Variants in PRLR observed in about 807,000 individuals in gnomAD.
The protein encoded by PRLR is prolactin receptor, also known as hPRL receptor.
A neutral mutation model predicts 40.2 loss-of-function variants in PRLR; 13 were observed. The ratio of observed to expected loss-of-function variants is 0.32; its 90% confidence interval spans 0.21 to 0.51. The LOEUF is 0.51. PRLR is among the 20% of genes least tolerant of loss of function. The probability of loss-of-function intolerance (pLI) is 0.97; values close to 1 mark genes in which losing one functional copy is unlikely to be tolerated. For missense variants in PRLR, 656 were observed against 747.3 expected (o/e 0.88, Z 1.42); for synonymous variants, 269 against 278.7 (o/e 0.97, Z 0.35).
At chr5:35,185,776 G>A (rs1341084180) in intron 1 of PRLR, among the ~76,000 whole-genome samples, 2 of 152,222 alleles carry the variant, frequency 1.3e-5, no homozygotes, top group Non-Finnish European at 2.9e-5. Flanking sequence ...TTGACTAGGT[G>A]TCTTTGTCTG....
intron 5 of PRLR, among the ~76,000 whole-genome samples, chr5:35,078,872 G>C (rs1342010246): frequency 6.6e-6 from 1 of 152,176 alleles, no homozygotes; most frequent in Non-Finnish European, 1.5e-5. Flanking sequence ...GATCAAGTAG[G>C]CTTCATCCCT....
At chr5:35,078,216 G>A (rs1770245132) in intron 5 of PRLR, among the ~76,000 whole-genome samples, 1 of 152,078 alleles carries the variant, frequency 6.6e-6, no homozygotes, top group Admixed American at 6.5e-5. Flanking sequence ...GAGAAGAACT[G>A]AAGGTGATAG....
At chr5:35,219,202 A>C (rs1236044428) in intron 1 of PRLR, among the ~76,000 whole-genome samples, 1 of 152,208 alleles carries the variant, frequency 6.6e-6, no homozygotes, top group Non-Finnish European at 1.5e-5. Flanking sequence ...GGGTTTTTGC[A>C]GGAGAAACAA....
chr5:35,174,905 T>C (rs1775101483), intron 1 of PRLR, among the ~76,000 whole-genome samples: 1 of 152,110 alleles, frequency 6.6e-6, no homozygotes, highest in Non-Finnish European at 1.5e-5. Flanking sequence ...TTGACAAGAG[T>C]GTAAGCTCAG....
chr5:35,191,544 A>G (rs1458039423), intron 1 of PRLR, among the ~76,000 whole-genome samples: 4 of 152,182 alleles, frequency 2.6e-5, no homozygotes, highest in Non-Finnish European at 4.4e-5. Context: ...GTCCCCTCCA[A>G]ACTGCTCTGC....
At chr5:35,181,576 C>T (rs1775298624) in intron 1 of PRLR, among the ~76,000 whole-genome samples, 1 of 152,158 alleles carries the variant, frequency 6.6e-6, no homozygotes, top group African/African-American at 2.4e-5. Context: ...ACACAATTTG[C>T]CATATCCAAT....
At chr5:35,104,581 C>A (rs935820513) in intron 2 of PRLR, among the ~76,000 whole-genome samples, 3 of 152,138 alleles carry the variant, frequency 2.0e-5, no homozygotes, top group Non-Finnish European at 4.4e-5. Flanking sequence ...ATATCCTGCC[C>A]CTGACTCGGA....
rs1022782937 is a variant in PRLR, at chr5:35,069,959, A to C, written c.685+165T>G. On this transcript the variant is annotated intron_variant, in intron 7 of 9. Coordinates refer to ENST00000618457, the MANE Select transcript of PRLR (RefSeq NM_000949.7). The stretch of plus-strand genomic sequence containing the variant: ...TCCATTGACAGTAATCCAGGGTGCA[A>C]TGCTGCTTTTCAAAATGTCTTCGTA... Among the ~76,000 whole-genome samples, 6 of 152,362 alleles carry C rather than the reference A, an allele frequency of 3.9e-5. 1 individual carries two copies. The highest frequency in any genetic ancestry group is 1.9e-4 in the East Asian group (1 of 5,188).
chr5:35,212,926 G>A (rs911681458), intron 1 of PRLR, among the ~76,000 whole-genome samples: 9 of 152,138 alleles, frequency 5.9e-5, no homozygotes, highest in African/African-American at 1.2e-4. Context: ...AGTGATCAGC[G>A]TCATTCCCCT....
At position 35,058,172 on chromosome 5, in the gene PRLR, A is replaced by C. The variant is rs940841277; in HGVS notation, c.*6917T>G. 6.6e-6 allele frequency: 1 copy of C among 152,180 alleles called. No individual in the cohort carries two copies. The highest frequency in any genetic ancestry group is 1.5e-5 in the Non-Finnish European group (1 of 68,018). 9.4% of individuals were successfully genotyped at this position (152,180 alleles called of 1,614,324 possible). On this transcript the variant is annotated 3_prime_UTR_variant, in exon 10 of 10. Transcript: ENST00000618457. The stretch of plus-strand genomic sequence containing the variant: ...AACCCAGCAACTTAATTATAAAACA[A>C]TTACTTCTAATTTCTCACTTAGTGT...
chr5:35,109,311 G>A (rs181344228), intron 2 of PRLR, among the ~76,000 whole-genome samples: 56 of 152,282 alleles, frequency 3.7e-4, no homozygotes, highest in Middle Eastern at 3.4e-3. Flanking sequence ...GCATGGGCAA[G>A]GACTTCATGA....
At chr5:35,073,018 C>G (rs1375095473) in intron 5 of PRLR, among the ~76,000 whole-genome samples, 2 of 152,124 alleles carry the variant, frequency 1.3e-5, no homozygotes, top group Non-Finnish European at 2.9e-5. Context: ...AATCTCATAG[C>G]TATCCCCATA....
intron 2 of PRLR, 124 bp downstream of exon 2, chr5:35,117,937 A>G (rs1032837222): frequency 2.0e-5 from 7 of 351,882 alleles, no homozygotes; most frequent in African/African-American, 1.6e-4. Context: ...GTGCCAGTGT[A>G]GACATTGACT....
chr5:35,175,748 A>G (rs1489266843), intron 1 of PRLR, among the ~76,000 whole-genome samples: 1 of 152,182 alleles, frequency 6.6e-6, no homozygotes, highest in African/African-American at 2.4e-5. Context: ...CGTAAGGAAG[A>G]CTTCACAAAC....
At chr5:35,088,765 C>A (rs1364662084) in intron 3 of PRLR, among the ~76,000 whole-genome samples, 1 of 151,650 alleles carries the variant, frequency 6.6e-6, no homozygotes, top group African/African-American at 2.4e-5. Context: ...AGTACACACA[C>A]CACACACACA....
In PRLR at chr5:35,065,231, G is replaced by T. The variant is rs1035246574; in HGVS notation, c.1727C>A (p.Ala576Asp). The change falls in exon 10 of 10, where the codon GCC (alanine) becomes GAC (aspartate). Residue 576 changes from alanine (A) to aspartate (D), a missense_variant. Ala to Asp is a moderately radical substitution (Grantham distance 126). Coordinates refer to ENST00000618457, the MANE Select transcript of PRLR (RefSeq NM_000949.7). ...TTCAAGTGATGGTGGGGCCTCTTTG[G>T]CTGATTCTTCAAAGCAAGCCACGTT... is the stretch of plus-strand genomic sequence containing the variant. ...AKNVACFEES[A>D]KEAPPSLEQN... 1.2e-5 allele frequency: 20 copies of T among 1,614,022 alleles called. No homozygotes were observed. The highest frequency in any genetic ancestry group is 4.5e-5 in the East Asian group (2 of 44,886).
intron 5 of PRLR, among the ~76,000 whole-genome samples, chr5:35,077,440 A>T (rs1770185560): frequency 6.6e-6 from 1 of 152,212 alleles, no homozygotes; most frequent in Admixed American, 6.5e-5. Flanking sequence ...ACCAACAAAG[A>T]TCAAAAGAGA....
chr5:35,078,725 T>C (rs978844753), intron 5 of PRLR, among the ~76,000 whole-genome samples: 2 of 152,356 alleles, frequency 1.3e-5, no homozygotes, highest in Admixed American at 1.3e-4. Context: ...AGCATCATCC[T>C]GATACCAAAG....
chr5:35,141,176 C>T lies in PRLR; in HGVS notation c.-105-23054G>A, dbSNP rs1253474006. ...AGATAGAAGGAGTCTGGGTCCCCAA[C>T]ACTGTTGTTTGGCTATTTCATCATT... On this transcript the variant is annotated intron_variant, in intron 1 of 9. Transcript: ENST00000618457. Among the ~76,000 whole-genome samples the T allele has an allele frequency of 1.5e-4, 23 of 151,592 alleles. 1 individual carries two copies. Among genetic ancestry groups the T allele is most frequent in the Admixed American group, 1.4e-3 (21 of 15,218 alleles).
Sources: gnomAD v4.1 joint callset for allele counts (sites outside exome capture counted in the v4.1 genomes callset) on GRCh38, gnomAD v4.1.1 for gene constraint, MANE v1.5 for transcripts, NCBI Gene and HGNC (gene_info 2026-07-23, HGNC 2026-07-21) for gene names.